The following NEK1 variants were observed in gnomAD, a reference collection of about 807,000 sequenced individuals.
NEK1 encodes NIMA related kinase 1.
NEK1 carries 137 observed loss-of-function variants against 182.1 expected under a neutral mutation model. That is an observed-to-expected ratio of 0.75 (90% CI 0.65 to 0.87). The LOEUF (loss-of-function observed/expected upper bound fraction) is 0.87. Among genes scored for constraint, NEK1 ranks in the 40% least tolerant of loss-of-function variants. The probability of loss-of-function intolerance (pLI) is 0.00; values close to 1 mark genes in which losing one functional copy is unlikely to be tolerated. For missense variants in NEK1, 1,391 were observed against 1,494.4 expected, an observed-to-expected ratio of 0.93 and a Z score of 1.14; for synonymous variants, 513 against 492.2, an observed-to-expected ratio of 1.04 and a Z score of -0.56.
intron 5 of NEK1, among the ~76,000 whole-genome samples, chr4:169,597,693 G>A (rs1769765080): frequency 6.6e-6 from 1 of 151,990 alleles, no homozygotes; most frequent in Admixed American, 6.6e-5. Context: ...CCAGCACTTT[G>A]GGAGACTGAG....
chr4:169,589,619 G>C (rs1296913837), intron 6 of NEK1, 105 bp from the exon 7 acceptor site: 7 of 687,332 alleles, frequency 1.0e-5, no homozygotes, highest in Admixed American at 9.9e-5. Context: ...AATTGTGCTA[G>C]AGTAACTGGA....
At chr4:169,580,429 G>A (rs917336852) in intron 11 of NEK1, among the ~76,000 whole-genome samples, 4 of 149,288 alleles carry the variant, frequency 2.7e-5, no homozygotes, top group South Asian at 2.1e-4. Context: ...CCTGGGAAGC[G>A]GAGGTTGCAG....
intron 18 of NEK1, among the ~76,000 whole-genome samples, chr4:169,548,217 G>C (rs1760843535): frequency 1.3e-5 from 2 of 152,308 alleles, no homozygotes; most frequent in Admixed American, 6.5e-5. Context: ...CTAACAGTCA[G>C]AGCCCTCTGC....
At chr4:169,577,494 G>A (rs532236340) in intron 11 of NEK1, among the ~76,000 whole-genome samples, 4 of 152,214 alleles carry the variant, frequency 2.6e-5, no homozygotes, top group South Asian at 2.1e-4. Flanking sequence ...AAGGCCAAGC[G>A]CGGTGGCTCA....
intron 23 of NEK1, among the ~76,000 whole-genome samples, chr4:169,488,103 T>C (rs984644790): frequency 1.3e-5 from 2 of 152,164 alleles, no homozygotes; most frequent in African/African-American, 2.4e-5. Context: ...ATTGCAAAAA[T>C]TTTCTCCCAT....
intron 19 of NEK1, among the ~76,000 whole-genome samples, chr4:169,526,880 G>A (rs1050991302): frequency 1.7e-4 from 26 of 152,154 alleles, no homozygotes; most frequent in Admixed American, 1.4e-3. Context: ...GAGAAAGAGC[G>A]CAGTGTTGGA....
chr4:169,522,301 G>A (rs577976749), intron 19 of NEK1, among the ~76,000 whole-genome samples: 22 of 152,188 alleles, frequency 1.4e-4, no homozygotes, highest in Non-Finnish European at 2.5e-4. Context: ...GATTGTTGAA[G>A]CATTTCTATC....
intron 18 of NEK1, among the ~76,000 whole-genome samples, chr4:169,543,918 G>C (rs1003513972): frequency 1.3e-5 from 2 of 152,198 alleles, no homozygotes; most frequent in Admixed American, 1.3e-4. Flanking sequence ...TACAATCCAT[G>C]TTATCTGCAA....
intron 5 of NEK1, among the ~76,000 whole-genome samples, chr4:169,592,608 G>A (rs1344855322): frequency 1.3e-5 from 2 of 151,902 alleles, no homozygotes; most frequent in African/African-American, 4.8e-5. Context: ...GTTTACCTCA[G>A]GGAAGTGGAT....
At chr4:169,610,254 G>A (rs550186453) in intron 2 of NEK1, among the ~76,000 whole-genome samples, 33 of 151,976 alleles carry the variant, frequency 2.2e-4, no homozygotes, top group Non-Finnish European at 3.1e-4. Flanking sequence ...CACTTGCCTC[G>A]GCTTCCCAAA....
intron 26 of NEK1, among the ~76,000 whole-genome samples, chr4:169,476,748 C>T (rs571337830): frequency 1.5e-4 from 23 of 152,208 alleles, no homozygotes; most frequent in African/African-American, 5.5e-4. Flanking sequence ...AATACTCTCG[C>T]TAAATGCCTA....
rs201793759 is a variant in NEK1 at position 169,555,831 on chromosome 4, C to T, written c.1451G>A (p.Arg484His). Reference protein sequence around the residue: ...LPERGILPGVRPGFPYGAAGH... With the variant: ...LPERGILPGVHPGFPYGAAGH... ...TGCAGCCCCATAAGGAAATCCTGGA[C>T]GAACTCCAGGCAGAATTCCTCTGTA... The change falls in exon 18 of 36, where the codon CGT becomes CAT. Residue 484 changes from arginine (R) to histidine (H), a missense_variant. By Grantham distance (29) the Arg-to-His change is conservative. This residue lies in a region of NEK1 where 1,216 missense variants were observed against 1,277.6 expected (regional missense o/e 0.95). Coordinates refer to ENST00000507142, the MANE Select transcript of NEK1 (RefSeq NM_001199397.3). 6.7e-5 allele frequency: 108 copies of T among 1,613,760 alleles called. No individual in the cohort carries two copies. Among genetic ancestry groups the T allele is most frequent in the East Asian group, 1.8e-4 (8 of 44,890 alleles).
chr4:169,577,984 A>G (rs1028875105), intron 11 of NEK1, among the ~76,000 whole-genome samples: 6 of 152,138 alleles, frequency 3.9e-5, no homozygotes, highest in African/African-American at 1.4e-4. Flanking sequence ...TGGGTACCTT[A>G]AAGACTGCTG....
chr4:169,594,403 T>G (rs1424658288), intron 5 of NEK1, among the ~76,000 whole-genome samples: 1 of 152,212 alleles, frequency 6.6e-6, no homozygotes, highest in Non-Finnish European at 1.5e-5. Flanking sequence ...GAACTTGGCT[T>G]CTCTATTAGA....
intron 6 of NEK1, 53 bp downstream of exon 6, chr4:169,590,673 G>T: frequency 7.4e-7 from 1 of 1,358,162 alleles, no homozygotes; most frequent in Non-Finnish European, 1.0e-6. Context: ...CCAAAACAAT[G>T]AAGGTTCCAT....
chr4:169,411,685 C>T (rs1481837451), intron 31 of NEK1, among the ~76,000 whole-genome samples: 2 of 152,150 alleles, frequency 1.3e-5, no homozygotes, highest in East Asian at 3.8e-4. Flanking sequence ...GCAGGTAATT[C>T]TCTATCTCAA....
chr4:169,426,262 A>AC, intron 29 of NEK1, 28 bp from the exon 30 acceptor site: 1 of 1,566,344 alleles, frequency 6.4e-7, no homozygotes, highest in Non-Finnish European at 8.8e-7. Flanking sequence ...ACCAATTAAA[A>AC]ACACACACAC....
intron 16 of NEK1, among the ~76,000 whole-genome samples, chr4:169,556,408 T>A (rs1429270663): frequency 6.6e-6 from 1 of 152,148 alleles, no homozygotes; most frequent in Non-Finnish European, 1.5e-5. Flanking sequence ...GCTTCCAATA[T>A]ACATTTCATG....
At chr4:169,429,854 T>C (rs554492307) in intron 29 of NEK1, among the ~76,000 whole-genome samples, 1 of 152,320 alleles carries the variant, frequency 6.6e-6, no homozygotes, top group East Asian at 1.9e-4. Context: ...TATTAATTTA[T>C]ACACATTCTT....
Sources: gnomAD v4.1 joint callset for allele counts (sites outside exome capture counted in the v4.1 genomes callset) on GRCh38, gnomAD v4.1.1 for gene constraint, gnomAD v4.1.1 regional missense constraint, MANE v1.5 for transcripts, NCBI Gene and HGNC (gene_info 2026-07-23, HGNC 2026-07-21) for gene names.